MARCHF8: variants seen among roughly 807,000 people sequenced by gnomAD.
MARCHF8 encodes the protein membrane associated ring-CH-type finger 8, also known as E3 ubiquitin-protein ligase MARCHF8.
A neutral mutation model predicts 51.6 loss-of-function variants in MARCHF8; 40 were observed. The ratio of observed to expected loss-of-function variants is 0.77; its 90% CI spans 0.60 to 1.01. The LOEUF (loss-of-function observed/expected upper bound fraction) is 1.01, where lower values mean the gene tolerates loss of function less well. MARCHF8 is among the 50% of genes least tolerant of loss of function. The pLI, the probability that MARCHF8 is intolerant of heterozygous loss-of-function variation, is 0.00. For synonymous variants in MARCHF8, 263 were observed against 280.3 expected (o/e 0.94, Z 0.62); for missense variants, 685 against 708.6 (o/e 0.97, Z 0.38).
At chr10:45,470,020 T>C (rs536966916) in intron 3 of MARCHF8, among the ~76,000 whole-genome samples, 1 of 152,340 alleles carries the variant, frequency 6.6e-6, no homozygotes, top group African/African-American at 2.4e-5. Flanking sequence ...AGAGTTCATG[T>C]TGGCTGTTGG....
intron 2 of MARCHF8, among the ~76,000 whole-genome samples, chr10:45,500,143 T>C (rs543446596): frequency 6.6e-6 from 1 of 152,336 alleles, no homozygotes; most frequent in East Asian, 1.9e-4. Context: ...TATAAGTCTT[T>C]ACCACTTTGG....
At chr10:45,488,646 A>G (rs4949003) in intron 3 of MARCHF8, among the ~76,000 whole-genome samples, 117,145 of 152,096 alleles carry the variant, frequency 0.77, 45,299 homozygotes, top group Middle Eastern at 0.81. Context: ...CCCTGGCGCC[A>G]AGGTTCTCTA....
intron 1 of MARCHF8, among the ~76,000 whole-genome samples, chr10:45,578,475 G>A (rs1325820996): frequency 6.6e-6 from 1 of 152,164 alleles, no homozygotes; most frequent in Non-Finnish European, 1.5e-5. Context: ...GGATGTGGAG[G>A]GAGGAGGGAA....
At position 45,457,504 on chromosome 10, in the gene MARCHF8, G is replaced by A. The variant is rs140605911; in HGVS notation, c.*735C>T. On this transcript the variant is annotated 3_prime_UTR_variant, in exon 8 of 8. Transcript: ENST00000453424. Reference sequence around the variant, plus strand: ...GTTTTATGAACAGAAAGAATGCCACGCTTCTTAGCATATGTAAGGCAAAAT... The same window carrying A: ...GTTTTATGAACAGAAAGAATGCCACACTTCTTAGCATATGTAAGGCAAAAT... 3.9e-5 allele frequency: 6 copies of A among 152,670 alleles called. No homozygotes were observed. Among genetic ancestry groups the A allele is most frequent in the African/African-American group, 7.2e-5 (3 of 41,546 alleles). 9.5% of individuals were successfully genotyped at this position (152,670 alleles called of 1,614,324 possible).
At chr10:45,476,536 C>CGCACCA (rs1471818247) in intron 3 of MARCHF8, among the ~76,000 whole-genome samples, 1 of 152,182 alleles carries the variant, frequency 6.6e-6, no homozygotes, top group Non-Finnish European at 1.5e-5. Flanking sequence ...CCACTGTACT[C>CGCACCA]CTGCCTGGGC....
At chr10:45,578,653 TAGAGA>T (rs909875502) in intron 1 of MARCHF8, among the ~76,000 whole-genome samples, 2 of 152,200 alleles carry the variant, frequency 1.3e-5, no homozygotes, top group African/African-American at 4.8e-5. Context: ...ATCATGGCAG[TAGAGA>T]AATCTGGCAG....
chr10:45,574,876 A>G (rs2044471664), intron 1 of MARCHF8, among the ~76,000 whole-genome samples: 1 of 150,558 alleles, frequency 6.6e-6, no homozygotes, highest in African/African-American at 2.4e-5. Flanking sequence ...CCTTAACTTG[A>G]GCCCTCACTC....
At chr10:45,528,120 A>G (rs974349062) in intron 2 of MARCHF8, among the ~76,000 whole-genome samples, 2 of 152,204 alleles carry the variant, frequency 1.3e-5, no homozygotes, top group Admixed American at 1.3e-4. Context: ...AAACCCATAT[A>G]CAAGAATCCC....
At position 45,503,536 on chromosome 10, in the gene MARCHF8, CAAATAAAT is replaced by C. The variant is rs74794115; in HGVS notation, c.103-14127_103-14120del. Among the ~76,000 whole-genome samples the C allele has an allele frequency of 4.8e-3, 693 of 144,954 alleles. 3 individuals carry two copies. Among genetic ancestry groups the C allele is most frequent in the African/African-American group, 0.016 (645 of 39,144 alleles). ...CTGGCGACAGAACGAGACTCCGTCT[CAAATAAAT>C]AAATAAATAAATAAATAAATAAATA... On this transcript the variant is annotated intron_variant, in intron 2 of 7. Transcript: ENST00000453424.
At chr10:45,460,475 T>G (rs1842752082) in intron 6 of MARCHF8, among the ~76,000 whole-genome samples, 1 of 152,234 alleles carries the variant, frequency 6.6e-6, no homozygotes, top group Non-Finnish European at 1.5e-5. Flanking sequence ...AGCACACCAT[T>G]TAGCATTTAA....
At position 45,571,878 on chromosome 10, in the gene MARCHF8, C is replaced by G. The variant is rs190623715; in HGVS notation, c.-79+22357G>C. Among the ~76,000 whole-genome samples, 5 of 152,274 alleles carry G rather than the reference C, an allele frequency of 3.3e-5. No homozygotes were observed. The East Asian group carries it at 9.6e-4, about 29-fold the overall frequency. On this transcript the variant is annotated intron_variant, in intron 1 of 6. Coordinates refer to the MARCHF8 transcript ENST00000319836. Reference sequence around the variant, plus strand: ...AGGAGACATGTTTTATCCGTGGACCCAAAACTCCAGCACCAGTCATAGACT... The same window carrying G: ...AGGAGACATGTTTTATCCGTGGACCGAAAACTCCAGCACCAGTCATAGACT...
At position 45,517,800 on chromosome 10, in the gene MARCHF8, T is replaced by C. The variant is rs533911034; in HGVS notation, c.102+15310A>G. 2.0e-5 allele frequency among the ~76,000 whole-genome samples: 3 copies of C among 152,224 alleles called. 1 individual carries two copies. Among genetic ancestry groups the C allele is most frequent in the Non-Finnish European group, 2.9e-5 (2 of 68,040 alleles). On this transcript the variant is annotated intron_variant, in intron 2 of 7. Transcript: ENST00000453424. ...CTTCACATTTTCTTGTATACCTTCA[T>C]GAAAGTCTATATTCTCCATGTCCTC... is the stretch of plus-strand genomic sequence containing the variant.
chr10:45,542,031 C>T (rs1271830836), intron 1 of MARCHF8, among the ~76,000 whole-genome samples: 1 of 152,114 alleles, frequency 6.6e-6, no homozygotes, highest in Non-Finnish European at 1.5e-5. Context: ...CCTTTCTTTA[C>T]TTATTTAACA....
At chr10:45,512,502 C>T (rs943612330) in intron 2 of MARCHF8, among the ~76,000 whole-genome samples, 10 of 147,364 alleles carry the variant, frequency 6.8e-5, no homozygotes, top group Admixed American at 1.3e-4. Flanking sequence ...CCCGGCCAGC[C>T]GCCCAGTCCG....
At chr10:45,591,662 A>G (rs1207047793) in intron 1 of MARCHF8, among the ~76,000 whole-genome samples, 2 of 152,190 alleles carry the variant, frequency 1.3e-5, no homozygotes, top group South Asian at 2.1e-4. Flanking sequence ...TTCACTGACA[A>G]CTGAAGGTCT....
At chr10:45,484,818 G>A (rs2042951303) in intron 3 of MARCHF8, among the ~76,000 whole-genome samples, 1 of 152,152 alleles carries the variant, frequency 6.6e-6, no homozygotes, top group Admixed American at 6.5e-5. Context: ...AATCATCAAG[G>A]TAGACACCAT....
chr10:45,483,953 TAC>T (rs1188095960), intron 3 of MARCHF8, among the ~76,000 whole-genome samples: 1 of 152,108 alleles, frequency 6.6e-6, no homozygotes, highest in Non-Finnish European at 1.5e-5. Flanking sequence ...GGTACAAAAA[TAC>T]AGTTAGATAG....
At chr10:45,543,591 G>A (rs2044081358) in intron 1 of MARCHF8, among the ~76,000 whole-genome samples, 1 of 151,972 alleles carries the variant, frequency 6.6e-6, no homozygotes, top group Non-Finnish European at 1.5e-5. Flanking sequence ...AAGGTCAGGA[G>A]ATCGAGACCA....
chr10:45,489,433 ACAGGTTTTAATTAT>A lies in MARCHF8; in HGVS notation c.103-30_103-17del, dbSNP rs773687080. ...TCTTCTCATTCTGCAAGAAAATCAA[ACAGGTTTTAATTAT>A]CAATCTTTGATTAAAATATGCAAAG... On this transcript the variant is annotated splice_polypyrimidine_tract_variant and intron_variant, in intron 2 of 7. Coordinates refer to ENST00000453424, the MANE Select transcript of MARCHF8 (RefSeq NM_001282866.2). 4.4e-6 allele frequency: 7 copies of A among 1,605,866 alleles called. No individual in the cohort carries two copies. Among genetic ancestry groups the A allele is most frequent in the Non-Finnish European group, 6.0e-6 (7 of 1,174,126 alleles).
Sources: gnomAD v4.1 joint callset for allele counts (sites outside exome capture counted in the v4.1 genomes callset) on GRCh38, gnomAD v4.1.1 for gene constraint, MANE v1.5 for transcripts, NCBI Gene and HGNC (gene_info 2026-07-23, HGNC 2026-07-21) for gene names.